Variants in TAMM41 observed in about 807,000 individuals in gnomAD.
The protein encoded by TAMM41 is phosphatidate cytidylyltransferase, mitochondrial.
In TAMM41, 36 loss-of-function variants were observed where a neutral mutation model predicts 44.1. The ratio of observed to expected loss-of-function variants is 0.82; its 90% CI spans 0.63 to 1.08. The LOEUF (loss-of-function observed/expected upper bound fraction) is 1.08. Ranked by LOEUF, TAMM41 falls within the 50% of genes least tolerant of loss-of-function variation. The probability of loss-of-function intolerance (pLI) is 0.00; values close to 1 mark genes in which losing one functional copy is unlikely to be tolerated. For synonymous variants in TAMM41, 164 were observed against 153.1 expected, an observed-to-expected ratio of 1.07 and a Z score of -0.53; for missense variants, 417 against 404.3, an observed-to-expected ratio of 1.03 and a Z score of -0.27.
downstream of TAMM41, among the ~76,000 whole-genome samples, chr3:11,786,286 T>TAATTTTA (rs532095914): frequency 7.2e-6 from 1 of 138,872 alleles, no homozygotes; most frequent in African/African-American, 2.7e-5. Flanking sequence ...TTTATTTAAT[T>TAATTTTA]TTATTATTAT....
chr3:11,808,722 T>A (rs1479669811), intron 6 of TAMM41: 2 of 708,850 alleles, frequency 2.8e-6, no homozygotes, highest in African/African-American at 1.9e-5. Context: ...AGGTTCAGGC[T>A]CTTTTTTTTG....
chr3:11,818,634 C>T (rs1300878329), intron 4 of TAMM41, among the ~76,000 whole-genome samples: 4 of 152,090 alleles, frequency 2.6e-5, no homozygotes, highest in Admixed American at 2.0e-4. Context: ...CGGTGGCTCA[C>T]ACCTGTAATC....
intron 4 of TAMM41, among the ~76,000 whole-genome samples, chr3:11,827,122 G>A (rs2078783264): frequency 6.6e-6 from 1 of 152,136 alleles, no homozygotes; most frequent in Non-Finnish European, 1.5e-5. Flanking sequence ...GGTATGGAAT[G>A]CTAATTTGCT....
intron 7 of TAMM41, among the ~76,000 whole-genome samples, chr3:11,806,709 C>G (rs2077919940): frequency 6.6e-6 from 1 of 152,046 alleles, no homozygotes; most frequent in African/African-American, 2.4e-5. Context: ...TTCTTATATG[C>G]TTATATTCTG....
chr3:11,817,703 G>C (rs1025494803), intron 4 of TAMM41, among the ~76,000 whole-genome samples: 1 of 152,150 alleles, frequency 6.6e-6, no homozygotes, highest in African/African-American at 2.4e-5. Context: ...GGAGATAGGA[G>C]CTGTGCACCA....
chr3:11,722,094 T>C, the TAMM41 span, among the ~76,000 whole-genome samples: 3 of 152,258 alleles, frequency 2.0e-5, no homozygotes, highest in Admixed American at 6.5e-5. Context: ...ATTTGTTTGC[T>C]GCTAAATGAT....
intron 2 of TAMM41, among the ~76,000 whole-genome samples, chr3:11,842,674 A>G (rs2079505018): frequency 6.6e-6 from 1 of 151,744 alleles, no homozygotes; most frequent in African/African-American, 2.4e-5. Context: ...AGCCTGGGTG[A>G]CAGAGCCAGA....
At chr3:11,751,851 G>T in the TAMM41 span, among the ~76,000 whole-genome samples, 1 of 152,178 alleles carries the variant, frequency 6.6e-6, no homozygotes, top group Non-Finnish European at 1.5e-5. Context: ...ATAGCCAGGG[G>T]GTTCAGATAT....
At chr3:11,789,876 C>A (rs1475260466), downstream of TAMM41, among the ~76,000 whole-genome samples, 1 of 152,188 alleles carries the variant, frequency 6.6e-6, no homozygotes, top group Admixed American at 6.5e-5. Flanking sequence ...TGGAGAGAAA[C>A]TGGGGTACAT....
In TAMM41 at chr3:11,817,329, G is replaced by C. The variant is rs140891099; in HGVS notation, c.571C>G (p.Arg191Gly). The C allele has an allele frequency of 5.6e-5, 90 of 1,607,184 alleles. No homozygotes were observed. The highest frequency in any genetic ancestry group is 7.2e-5 in the Non-Finnish European group (85 of 1,174,670). ...GTTTTATCTTCTCCAACCACCATCC[G>C]AAAGTCACCTAGTTAAAACAAAGAG... Reference protein sequence around the residue: ...IAGLSYSGDFRMVVGEDKTKV... With the variant: ...IAGLSYSGDFGMVVGEDKTKV... Residue 191 changes from arginine (R) to glycine (G), a missense_variant, in exon 5 of 8, where the codon CGG (arginine) becomes GGG (glycine). Transcript: ENST00000455809.
chr3:11,803,509 T>C (rs2077815594), intron 7 of TAMM41, among the ~76,000 whole-genome samples: 1 of 152,160 alleles, frequency 6.6e-6, no homozygotes, highest in African/African-American at 2.4e-5. Flanking sequence ...AGTATGGAGA[T>C]TTCTTAAAGA....
chr3:11,768,980 C>T, the TAMM41 span, among the ~76,000 whole-genome samples: 1 of 152,312 alleles, frequency 6.6e-6, no homozygotes, highest in South Asian at 2.1e-4. Context: ...TTCTAGCCAT[C>T]AGGCACGGCC....
intron 5 of TAMM41, chr3:11,811,164 A>G (rs751033586): frequency 8.5e-5 from 13 of 152,200 alleles, no homozygotes; most frequent in Non-Finnish European, 1.3e-4. Flanking sequence ...TTATTATTTA[A>G]TGGCTCCATA....
At chr3:11,738,288 A>C in the TAMM41 span, among the ~76,000 whole-genome samples, 1 of 152,168 alleles carries the variant, frequency 6.6e-6, no homozygotes. Flanking sequence ...TTGAATCCCA[A>C]CTCAACCCCT....
chr3:11,801,980 G>A lies in TAMM41; in HGVS notation c.937+5853C>T, dbSNP rs141345792. ...TCATGCCTGTAATCCCTGCACTTTG[G>A]GAGGCTGAGGCTGGCGGATCGAGAT... On this transcript the variant is annotated intron_variant, in intron 7 of 7. Coordinates refer to ENST00000455809, the MANE Select transcript of TAMM41 (RefSeq NM_001284401.2). Among the ~76,000 whole-genome samples, 156 of 152,286 alleles carry A rather than the reference G, an allele frequency of 1.0e-3. No homozygotes were observed. The East Asian group carries it at 0.024, about 23-fold the overall frequency.
At chr3:11,817,360 C>T in intron 4 of TAMM41, 23 bp from the exon 5 acceptor site, 1 of 1,593,938 alleles carries the variant, frequency 6.3e-7, no homozygotes, top group Non-Finnish European at 8.6e-7. Context: ...AAGAGATAAA[C>T]ACATCTTCCA....
At chr3:11,829,057 C>T (rs192859156) in intron 4 of TAMM41, among the ~76,000 whole-genome samples, 4 of 152,168 alleles carry the variant, frequency 2.6e-5, no homozygotes, top group Non-Finnish European at 1.5e-5. Flanking sequence ...GGGTGAGTGG[C>T]CAGGGGCTCT....
the TAMM41 span, among the ~76,000 whole-genome samples, chr3:11,725,249 T>C: frequency 8.0e-6 from 1 of 125,218 alleles, no homozygotes; most frequent in African/African-American, 2.9e-5. Context: ...CTCCTCCCCC[T>C]CCTCCTTCTC....
chr3:11,734,739 TAA>T, the TAMM41 span, among the ~76,000 whole-genome samples: 1 of 151,704 alleles, frequency 6.6e-6, no homozygotes, highest in Non-Finnish European at 1.5e-5. Context: ...ATAAACAAAT[TAA>T]AAAGCAAATA....
Sources: allele counts gnomAD v4.1 joint callset (sites outside exome capture counted in the v4.1 genomes callset), GRCh38; gene constraint gnomAD v4.1.1; transcripts MANE v1.5; gene names NCBI Gene and HGNC (gene_info 2026-07-23, HGNC 2026-07-21).